SFSWAP: variants seen among roughly 807,000 people sequenced by gnomAD.
The protein encoded by SFSWAP is splicing factor SWAP.
In SFSWAP, 17 loss-of-function variants were observed where a neutral mutation model predicts 100.7. That is an observed-to-expected ratio of 0.17 (90% CI 0.12 to 0.25). The LOEUF (loss-of-function observed/expected upper bound fraction) is 0.25. Ranked by LOEUF, SFSWAP falls within the 10% of genes least tolerant of loss-of-function variation. The pLI is 1.00. For missense variants in SFSWAP, 1,005 were observed against 1,262.6 expected, an observed-to-expected ratio of 0.80 and a Z score of 3.09; for synonymous variants, 504 against 510.1, an observed-to-expected ratio of 0.99 and a Z score of 0.16.
Position 131,760,921 on chromosome 12 carries a change from A to C in SFSWAP, c.1721-3535A>C, listed in dbSNP as rs372965616. On this transcript the variant is annotated intron_variant, in intron 11 of 17. Coordinates refer to ENST00000261674, the MANE Select transcript of SFSWAP (RefSeq NM_004592.4). ...ACCCTGTCTCTACTAAAAATCCAAA[A>C]ATCAGCTAGGTGTGATGGCGGGCAC... Among the ~76,000 whole-genome samples, 70 of 152,272 alleles carry C rather than the reference A, an allele frequency of 4.6e-4. No individual in the cohort carries two copies. In the Middle Eastern group the frequency reaches 0.01, roughly 22 times the overall value.
rs759665286 is a variant in SFSWAP, at chr12:131,725,595, C to T, written c.797C>T (p.Thr266Ile). The change falls in exon 5 of 18, where the codon ACT becomes ATT. Residue 266 changes from threonine to isoleucine, a missense_variant. Physicochemically the swap from Thr to Ile is moderately conservative, Grantham distance 89 (BLOSUM62 -1). Coordinates refer to ENST00000261674, the MANE Select transcript of SFSWAP (RefSeq NM_004592.4). This position sits in a 1 kb window ranked among gnomAD's most constrained non-coding sequence, Gnocchi z 4.3. Reference protein sequence around the residue: ...IQKAMKEGRYTVLAENKSDEK... With the variant: ...IQKAMKEGRYIVLAENKSDEK... ...AAAGCCATGAAAGAGGGACGCTACA[C>T]TGTCCTGGCAGAAAACAAAAGTGAC... 1.9e-6 allele frequency: 3 copies of T among 1,614,110 alleles called. No homozygotes were observed. The highest frequency in any genetic ancestry group is 2.5e-6 in the Non-Finnish European group (3 of 1,180,010).
intron 7 of SFSWAP, among the ~76,000 whole-genome samples, chr12:131,745,345 A>C (rs1270800727): frequency 2.0e-5 from 3 of 152,202 alleles, no homozygotes; most frequent in Non-Finnish European, 4.4e-5. Context: ...AAATTATCTG[A>C]GTTCAGGAGA....
chr12:131,718,847 A>G (rs761082833), intron 3 of SFSWAP, among the ~76,000 whole-genome samples: 5 of 152,216 alleles, frequency 3.3e-5, no homozygotes, highest in African/African-American at 9.6e-5. Context: ...AGATGTTCAC[A>G]TGGGCTATCT....
At chr12:131,788,256 G>C (rs756278660) in intron 15 of SFSWAP, among the ~76,000 whole-genome samples, 1 of 152,174 alleles carries the variant, frequency 6.6e-6, no homozygotes, top group Non-Finnish European at 1.5e-5. Flanking sequence ...CCAGACTCGC[G>C]TGACCTGCTG....
In SFSWAP at chr12:131,798,946, G is replaced by A. The variant is rs2136286920; in HGVS notation, c.2718-91G>A. Reference sequence around the variant, plus strand: ...GCAGTGGGCACTTCTCAGTTCTAGAGTTGGGGTTCGGAGGTGGGGATGCTG... The same window carrying A: ...GCAGTGGGCACTTCTCAGTTCTAGAATTGGGGTTCGGAGGTGGGGATGCTG... On this transcript the variant is annotated intron_variant, in intron 16 of 17. Coordinates refer to ENST00000261674, the MANE Select transcript of SFSWAP (RefSeq NM_004592.4). The A allele has an allele frequency of 3.4e-6, 3 of 882,336 alleles. No individual in the cohort carries two copies. In the South Asian group the frequency reaches 4.0e-5, roughly 12 times the overall value. The allele number at this position is 882,336 out of a possible 1,614,324, so 54.7% of individuals were successfully genotyped here.
Position 131,766,244 on chromosome 12 carries a change from C to A in SFSWAP, c.2078C>A (p.Thr693Asn), listed in dbSNP as rs749636091. The change falls in exon 13 of 18, where the codon ACC becomes AAC. Residue 693 changes from threonine to asparagine, a missense_variant. This residue lies in a region of SFSWAP where 295 missense variants were observed against 347.9 expected (regional missense o/e 0.85). Coordinates refer to ENST00000261674, the MANE Select transcript of SFSWAP (RefSeq NM_004592.4). ...AGGAAAGCGGCGTTATTTTTACAGACCCTCAAAAATCCTCTGCCGGAAGCA... is the reference window on the plus strand; with the variant it reads ...AGGAAAGCGGCGTTATTTTTACAGAACCTCAAAAATCCTCTGCCGGAAGCA... Reference protein sequence around the residue: ...RKRKAALFLQTLKNPLPEAEA... With the variant: ...RKRKAALFLQNLKNPLPEAEA... The A allele has an allele frequency of 7.4e-6, 12 of 1,614,048 alleles. No individual in the cohort carries two copies. Among genetic ancestry groups the A allele is most frequent in the Non-Finnish European group, 1.0e-5 (12 of 1,180,044 alleles).
At position 131,725,467 on chromosome 12, in the gene SFSWAP, A is replaced by G; in HGVS notation, c.669A>G (p.Gly223=). ...CGGCCAGCTTCGTGTGCAGGCAGGG[A>G]GCACAGTTTGAGATCATGCTGAAGG... ...ERTASFVCRQ[G]AQFEIMLKAK... The change falls in exon 5 of 18, where the codon GGA becomes GGG. Residue 223 remains glycine, a synonymous_variant. Transcript: ENST00000261674. This position sits in a 1 kb window ranked among gnomAD's most constrained non-coding sequence, Gnocchi z 4.3. The G allele has an allele frequency of 6.2e-7, 1 of 1,614,152 alleles. No individual in the cohort carries two copies. The highest frequency in any genetic ancestry group is 8.5e-7 in the Non-Finnish European group (1 of 1,180,034).
chr12:131,721,008 G>A (rs1324970666), intron 4 of SFSWAP, among the ~76,000 whole-genome samples: 1 of 152,170 alleles, frequency 6.6e-6, no homozygotes, highest in African/African-American at 2.4e-5. Flanking sequence ...GGAGGCCTCA[G>A]GAAACTTATA....
At chr12:131,721,167 C>T (rs1033841745) in intron 4 of SFSWAP, among the ~76,000 whole-genome samples, 8 of 152,132 alleles carry the variant, frequency 5.3e-5, no homozygotes, top group Non-Finnish European at 8.8e-5. Context: ...GGAGATGGTG[C>T]GAAACTATTC....
At chr12:131,783,026 C>A (rs1350459988) in intron 14 of SFSWAP, among the ~76,000 whole-genome samples, 2 of 151,928 alleles carry the variant, frequency 1.3e-5, no homozygotes, top group Non-Finnish European at 2.9e-5. Context: ...ACTAAAAATA[C>A]AAAAATCAGC....
intron 4 of SFSWAP, among the ~76,000 whole-genome samples, chr12:131,720,767 C>T (rs561883380): frequency 1.2e-4 from 19 of 152,338 alleles, no homozygotes; most frequent in African/African-American, 3.6e-4. Flanking sequence ...CTGCCTCCAA[C>T]GCTTTCCTTC....
chr12:131,736,188 G>A (rs1212150912), intron 7 of SFSWAP, among the ~76,000 whole-genome samples: 2 of 152,072 alleles, frequency 1.3e-5, no homozygotes, highest in Non-Finnish European at 2.9e-5. Context: ...AAATAAGGAC[G>A]GAGAAAAGGA....
At position 131,711,686 on chromosome 12, in the gene SFSWAP, G is replaced by C. The variant is rs1189733261; in HGVS notation, c.218+239G>C. ...GTCCGTCTCCGGAGGGATCGTCTCTGGTCCCGCAGCCCCTCTCGACCCCTC... is the reference window on the plus strand; with the variant it reads ...GTCCGTCTCCGGAGGGATCGTCTCTCGTCCCGCAGCCCCTCTCGACCCCTC... On this transcript the variant is annotated intron_variant, in intron 1 of 17. Coordinates refer to ENST00000261674, the MANE Select transcript of SFSWAP (RefSeq NM_004592.4). This position sits in a 1 kb window ranked among gnomAD's most constrained non-coding sequence, Gnocchi z 4.9. The C allele has an allele frequency of 5.7e-6, 3 of 522,606 alleles. No homozygotes were observed. The highest frequency in any genetic ancestry group is 1.0e-5 in the Non-Finnish European group (3 of 290,782). The allele number at this position is 522,606 out of a possible 1,614,324, so 32.4% of individuals were successfully genotyped here. A position where few individuals can be genotyped will look rare whatever the true frequency, so the allele number is the denominator to read the frequency against.
intron 7 of SFSWAP, among the ~76,000 whole-genome samples, chr12:131,743,363 G>GTA (rs1880831350): frequency 6.6e-6 from 1 of 152,222 alleles, no homozygotes; most frequent in Non-Finnish European, 1.5e-5. Context: ...TATAATGGGG[G>GTA]TACAGGCATT....
intron 10 of SFSWAP, 87 bp downstream of exon 10, chr12:131,755,566 A>G: frequency 1.1e-6 from 1 of 903,434 alleles, no homozygotes; most frequent in South Asian, 1.4e-5. Flanking sequence ...TTCTTCTCCT[A>G]CAGGTGAAAG....
intron 3 of SFSWAP, among the ~76,000 whole-genome samples, chr12:131,717,461 CA>C (rs1436612326): frequency 2.0e-5 from 3 of 151,996 alleles, no homozygotes; most frequent in Non-Finnish European, 4.4e-5. Flanking sequence ...ATTTTTTAAA[CA>C]AAAGGTTATT....
At chr12:131,761,371 G>T (rs910606891) in intron 11 of SFSWAP, among the ~76,000 whole-genome samples, 1 of 152,184 alleles carries the variant, frequency 6.6e-6, no homozygotes, top group African/African-American at 2.4e-5. Flanking sequence ...ATCTGTCCCC[G>T]CATGGTCCCG....
rs1185181969 is a variant in SFSWAP, at chr12:131,734,215, C to T, written c.1081+5787C>T. Among the ~76,000 whole-genome samples the T allele has an allele frequency of 1.3e-5, 2 of 152,320 alleles. No homozygotes were observed. The highest frequency in any genetic ancestry group is 4.8e-5 in the African/African-American group (2 of 41,578). Reference sequence around the variant, plus strand: ...CCGCCCTCGAGGACTTGAAGGCTGACGTTGGGCTGGGTGTGGCTCGTACAT... The same window carrying T: ...CCGCCCTCGAGGACTTGAAGGCTGATGTTGGGCTGGGTGTGGCTCGTACAT... On this transcript the variant is annotated intron_variant, in intron 7 of 17. Transcript: ENST00000261674. The surrounding 1 kb of genome is among the most constrained non-coding windows in gnomAD (Gnocchi z 4.9).
intron 13 of SFSWAP, among the ~76,000 whole-genome samples, chr12:131,773,201 A>G (rs10902448): frequency 0.92 from 140,049 of 152,236 alleles, 65,434 homozygotes; most frequent in East Asian, 1. Context: ...CCTGTATCAC[A>G]TACATTCTCT....
Sources: gnomAD v4.1 joint callset for allele counts (sites outside exome capture counted in the v4.1 genomes callset) on GRCh38, gnomAD v4.1.1 for gene constraint, gnomAD v4.1.1 regional missense constraint, Gnocchi (gnomAD v3.1) non-coding constraint, MANE v1.5 for transcripts, NCBI Gene and HGNC (gene_info 2026-07-23, HGNC 2026-07-21) for gene names.